GPHN: variants seen among roughly 807,000 people sequenced by gnomAD.
The protein encoded by GPHN is gephyrin.
Under a neutral mutation model 95.5 loss-of-function variants are expected in GPHN, and 17 were observed. The observed-to-expected ratio is 0.18, with a 90% CI of 0.12 to 0.27. GPHN has a LOEUF of 0.27. Ranked by LOEUF, GPHN falls within the 10% of genes least tolerant of loss-of-function variation. The probability of loss-of-function intolerance (pLI) is 1.00; values close to 1 mark genes in which losing one functional copy is unlikely to be tolerated. For synonymous variants in GPHN, 320 were observed against 322.5 expected (o/e 0.99, Z 0.08); for missense variants, 660 against 978.1 (o/e 0.67, Z 4.34).
chr14:67,290,462 G>T, the GPHN span, among the ~76,000 whole-genome samples: 1 of 152,148 alleles, frequency 6.6e-6, no homozygotes, highest in African/African-American at 2.4e-5. Context: ...GAGTGCAGTA[G>T]CGTGATCATG....
At chr14:67,257,421 T>C in the GPHN span, among the ~76,000 whole-genome samples, 1 of 152,184 alleles carries the variant, frequency 6.6e-6, no homozygotes, top group East Asian at 1.9e-4. Flanking sequence ...TTGTCTGACA[T>C]AGTTCCCAGC....
At chr14:66,951,547 A>G (rs537776950) in intron 8 of GPHN, among the ~76,000 whole-genome samples, 1 of 152,070 alleles carries the variant, frequency 6.6e-6, no homozygotes, top group African/African-American at 2.4e-5. Flanking sequence ...GGATAAAGAA[A>G]CTTGCAAGCT....
chr14:66,653,683 C>G (rs1431525275), intron 1 of GPHN, among the ~76,000 whole-genome samples: 2 of 152,194 alleles, frequency 1.3e-5, no homozygotes, highest in Admixed American at 6.5e-5. Context: ...TGGAATCACA[C>G]CACATGTAAT....
At chr14:66,830,822 C>T (rs1047573268) in intron 4 of GPHN, among the ~76,000 whole-genome samples, 37 of 152,074 alleles carry the variant, frequency 2.4e-4, no homozygotes, top group African/African-American at 8.7e-4. Context: ...AAATTTTTTT[C>T]ACTTAGGTTA....
chr14:66,927,575 T>C (rs777427006), intron 8 of GPHN, among the ~76,000 whole-genome samples: 2 of 152,140 alleles, frequency 1.3e-5, no homozygotes, highest in African/African-American at 4.8e-5. Flanking sequence ...TCCAATGCTA[T>C]GTTGAATAAC....
At chr14:67,024,917 C>T (rs1323810803) in intron 10 of GPHN, among the ~76,000 whole-genome samples, 10 of 151,938 alleles carry the variant, frequency 6.6e-5, no homozygotes, top group Admixed American at 5.2e-4. Context: ...AATCTGTTAT[C>T]TTAGCTCCAA....
the GPHN span, among the ~76,000 whole-genome samples, chr14:67,668,247 A>T: frequency 6.6e-6 from 1 of 152,264 alleles, no homozygotes; most frequent in African/African-American, 2.4e-5. Flanking sequence ...AAGAAATTAT[A>T]GCACATTATA....
the GPHN span, chr14:67,568,922 T>C: frequency 7.5e-4 from 402 of 537,034 alleles, 2 homozygotes; most frequent in African/African-American, 7.3e-3. Context: ...TTTCATTGAT[T>C]CTCACAGCAG....
the GPHN span, among the ~76,000 whole-genome samples, chr14:67,464,282 T>G: frequency 6.6e-6 from 1 of 152,156 alleles, no homozygotes; most frequent in Non-Finnish European, 1.5e-5. Context: ...TAAGGGTACC[T>G]GGGACCCCAG....
At chr14:66,831,623 T>C (rs909978686) in intron 4 of GPHN, among the ~76,000 whole-genome samples, 1 of 152,208 alleles carries the variant, frequency 6.6e-6, no homozygotes, top group African/African-American at 2.4e-5. Flanking sequence ...TTAGTGCTAC[T>C]ACTTACTAAC....
At chr14:66,599,543 C>T (rs1481543970) in intron 1 of GPHN, among the ~76,000 whole-genome samples, 5 of 151,672 alleles carry the variant, frequency 3.3e-5, no homozygotes, top group Admixed American at 2.0e-4. Context: ...ATTTATTTTA[C>T]ATATTGCTTA....
the GPHN span, chr14:67,381,584 T>G: frequency 6.2e-7 from 1 of 1,603,468 alleles, no homozygotes; most frequent in Non-Finnish European, 8.5e-7. Flanking sequence ...TGAATTTTTG[T>G]AATTGTAGAT....
intron 6 of GPHN, among the ~76,000 whole-genome samples, chr14:66,920,534 T>C: frequency 7.4e-6 from 1 of 135,666 alleles, no homozygotes; most frequent in South Asian, 2.4e-4. Context: ...CAGTGCATGC[T>C]TTTTTTTTTT....
intron 4 of GPHN, among the ~76,000 whole-genome samples, chr14:66,877,046 A>C (rs2153531737): frequency 6.6e-6 from 1 of 152,288 alleles, no homozygotes; most frequent in Non-Finnish European, 1.5e-5. Context: ...CACCACAATC[A>C]AGTCAGCTTC....
At position 66,579,422 on chromosome 14, in the gene GPHN, T is replaced by TA. The variant is rs34424353; in HGVS notation, c.64+70843dup. Among the ~76,000 whole-genome samples the TA allele has an allele frequency of 1.2e-3, 169 of 143,296 alleles. 2 individuals are homozygous for TA. The highest frequency in any genetic ancestry group is 0.011 in the Middle Eastern group (3 of 280). The allele number at this position is 143,296 out of a possible 152,430, so 94.0% of individuals were successfully genotyped here. On this transcript the variant is annotated intron_variant, in intron 1 of 22. Coordinates refer to ENST00000478722, the MANE Select transcript of GPHN (RefSeq NM_020806.5). ...AAAGATACAGAGCAGCTGAATGGATTAAAAAAAAAAAAGTCCAAACTATAT... is the reference window on the plus strand; with the variant it reads ...AAAGATACAGAGCAGCTGAATGGATTAAAAAAAAAAAAAGTCCAAACTATAT...
the GPHN span, among the ~76,000 whole-genome samples, chr14:67,455,700 A>C: frequency 1.3e-5 from 2 of 152,320 alleles, no homozygotes; most frequent in South Asian, 4.1e-4. Context: ...AATTATTTAT[A>C]ACTATCATTT....
the GPHN span, among the ~76,000 whole-genome samples, chr14:67,495,486 ATT>A: frequency 5.5e-5 from 8 of 144,440 alleles, no homozygotes; most frequent in Admixed American, 5.5e-4. Context: ...AGCCTTCTGG[ATT>A]TTTTTTTTTT....
the GPHN span, among the ~76,000 whole-genome samples, chr14:67,269,027 C>T: frequency 1.2e-4 from 18 of 152,220 alleles, no homozygotes; most frequent in African/African-American, 3.9e-4. Flanking sequence ...CATAATTCTC[C>T]CACCCATTCA....
chr14:67,726,081 A>T, the GPHN span: 1 of 1,614,030 alleles, frequency 6.2e-7, no homozygotes, highest in South Asian at 1.1e-5. Flanking sequence ...CTGATCAACA[A>T]TGCGGGAGTA....
Sources: allele counts gnomAD v4.1 joint callset (sites outside exome capture counted in the v4.1 genomes callset), GRCh38; gene constraint gnomAD v4.1.1; transcripts MANE v1.5; gene names NCBI Gene and HGNC (gene_info 2026-07-23, HGNC 2026-07-21).